The following OGFOD3 variants were observed in gnomAD, a reference collection of about 807,000 sequenced individuals.
OGFOD3 encodes 2-oxoglutarate and iron dependent oxygenase domain containing 3, also known as 2-oxoglutarate and iron-dependent oxygenase domain-containing protein 3.
In OGFOD3, 35 loss-of-function variants were observed where a neutral mutation model predicts 39.8. The ratio of observed to expected loss-of-function variants is 0.88; its 90% CI spans 0.67 to 1.17. OGFOD3 has a LOEUF of 1.17. Among genes scored for constraint, OGFOD3 ranks in the 50% most tolerant of loss-of-function variants. The probability of loss-of-function intolerance (pLI) is 0.00; values close to 1 mark genes in which losing one functional copy is unlikely to be tolerated. For synonymous variants in OGFOD3, 200 were observed against 192.0 expected, an observed-to-expected ratio of 1.04 and a Z score of -0.34; for missense variants, 438 against 454.5, an observed-to-expected ratio of 0.96 and a Z score of 0.33.
At chr17:82,398,420 G>A in intron 7 of OGFOD3, 101 bp from the exon 8 acceptor site, 2 of 1,425,286 alleles carry the variant, frequency 1.4e-6, no homozygotes, top group African/African-American at 2.8e-5. Flanking sequence ...TATTTTTTGA[G>A]ACAGAGTCTT....
At chr17:82,395,524 G>T (rs2052657473) in intron 8 of OGFOD3, among the ~76,000 whole-genome samples, 1 of 152,138 alleles carries the variant, frequency 6.6e-6, no homozygotes, top group South Asian at 2.1e-4. Context: ...GCCACTCATG[G>T]TAAGAACTGC....
At chr17:82,393,434 T>A (rs971106154) in intron 8 of OGFOD3, 2 of 152,236 alleles carry the variant, frequency 1.3e-5, no homozygotes, top group South Asian at 2.1e-4. Context: ...AGGGAGTCAG[T>A]TGCACTGTGC....
rs1308074070 is a variant in OGFOD3, at chr17:82,415,015, G to A, written c.304+383C>T. ...AGGCCCAGGCAGAACGGGAGCGGGG[G>A]AGGGGAGCTGGGGCACAGGACGGCA... On this transcript the variant is annotated intron_variant, in intron 2 of 8. Transcript: ENST00000313056. This position sits in a 1 kb window ranked among gnomAD's most constrained non-coding sequence, Gnocchi z 5.3. Among the ~76,000 whole-genome samples the A allele has an allele frequency of 1.3e-5, 2 of 152,200 alleles. No homozygotes were observed. The highest frequency in any genetic ancestry group is 2.9e-5 in the Non-Finnish European group (2 of 68,040).
rs1263136828 is a variant in OGFOD3 at position 82,392,486 on chromosome 17, T to C, written c.872A>G (p.Glu291Gly). The change falls in exon 9 of 9, where the codon GAG becomes GGG. Residue 291 changes from glutamate (E) to glycine (G), a missense_variant. Transcript: ENST00000313056. This position sits in a 1 kb window ranked among gnomAD's most constrained non-coding sequence, Gnocchi z 4.2. ...GTAACGGGTGCCCCAGTGGACCTTCTCCACGCGGTGTAGGTTCTCGGACCC... is the reference window on the plus strand; with the variant it reads ...GTAACGGGTGCCCCAGTGGACCTTCCCCACGCGGTGTAGGTTCTCGGACCC... The part of the protein sequence containing the change: ...TSGSENLHRV[E>G]KVHWGTRYAI... 1.9e-6 allele frequency: 3 copies of C among 1,607,890 alleles called. No homozygotes were observed. The African/African-American group carries it at 4.0e-5, about 21-fold the overall frequency.
At chr17:82,418,262 A>AC in intron 1 of OGFOD3, 150 bp downstream of exon 1, 1 of 268,220 alleles carries the variant, frequency 3.7e-6, no homozygotes, top group Non-Finnish European at 6.5e-6. Flanking sequence ...GCTGCGGTAG[A>AC]CCCCGCCCCC....
chr17:82,409,227 T>G (rs934646838), intron 4 of OGFOD3, 141 bp downstream of exon 4: 54 of 763,316 alleles, frequency 7.1e-5, no homozygotes, highest in East Asian at 3.3e-4. Flanking sequence ...CTGCGGCTGG[T>G]GCTGAGAAAC....
intron 1 of OGFOD3, 90 bp downstream of exon 1, chr17:82,418,322 G>T: frequency 4.9e-6 from 1 of 205,726 alleles, no homozygotes; most frequent in South Asian, 5.5e-5. Context: ...ACCCGGGTCG[G>T]GCCAGGCCCC....
At chr17:82,394,579 T>C (rs1055090772) in intron 8 of OGFOD3, 1 of 1,561,104 alleles carries the variant, frequency 6.4e-7, no homozygotes, top group East Asian at 2.3e-5. Context: ...TGGTAAAGGG[T>C]TGACTCCAGG....
rs942612010 is a variant in OGFOD3, at chr17:82,404,202, C to G, written c.546-112G>C. On this transcript the variant is annotated intron_variant, in intron 6 of 8. Coordinates refer to ENST00000313056, the MANE Select transcript of OGFOD3 (RefSeq NM_024648.3). The surrounding 1 kb of genome is among the most constrained non-coding windows in gnomAD (Gnocchi z 4.5). Reference sequence around the variant, plus strand: ...CAGCCTTCGTACGGCTCCGGGCCCGCGGGGCGGGGGCTCCCAAGCACACCG... The same window carrying G: ...CAGCCTTCGTACGGCTCCGGGCCCGGGGGGCGGGGGCTCCCAAGCACACCG... 2 of 1,257,374 alleles carry G rather than the reference C, an allele frequency of 1.6e-6. No individual in the cohort carries two copies. 77.9% of individuals were successfully genotyped at this position (1,257,374 alleles called of 1,614,324 possible). A position where few individuals can be genotyped will look rare whatever the true frequency, so the allele number is the denominator to read the frequency against.
intron 7 of OGFOD3, 155 bp downstream of exon 7, chr17:82,403,782 G>A (rs1050949796): frequency 2.2e-5 from 22 of 1,003,482 alleles, no homozygotes; most frequent in Non-Finnish European, 3.1e-5. Flanking sequence ...GCCCACGTGC[G>A]TACTCACCCT....
rs957735820 is a variant in OGFOD3, at chr17:82,413,229, G to A, written c.305-1699C>T. Among the ~76,000 whole-genome samples the A allele has an allele frequency of 5.3e-5, 8 of 152,338 alleles. No homozygotes were observed. The East Asian group carries it at 1.2e-3, about 22-fold the overall frequency. ...AATGAGAGCCACACAGGCCCGTGGCGCAGCCTCTGTACTAGCAAAGAGAAT... is the reference window on the plus strand; with the variant it reads ...AATGAGAGCCACACAGGCCCGTGGCACAGCCTCTGTACTAGCAAAGAGAAT... On this transcript the variant is annotated intron_variant, in intron 2 of 8. Coordinates refer to ENST00000313056, the MANE Select transcript of OGFOD3 (RefSeq NM_024648.3).
intron 5 of OGFOD3, 80 bp from the exon 6 acceptor site, chr17:82,405,460 C>G (rs1297559990): frequency 8.3e-7 from 1 of 1,204,422 alleles, no homozygotes; most frequent in Non-Finnish European, 1.2e-6. Context: ...AGCCATTCCT[C>G]AAGTCCCTGA....
At position 82,403,449 on chromosome 17, in the gene OGFOD3, T is replaced by C. The variant is rs537156026; in HGVS notation, c.699+488A>G. Among the ~76,000 whole-genome samples the C allele has an allele frequency of 4.6e-5, 7 of 152,248 alleles. No homozygotes were observed. In the East Asian group the frequency reaches 1.4e-3, roughly 30 times the overall value. On this transcript the variant is annotated intron_variant, in intron 7 of 8. Transcript: ENST00000313056. ...GATTTTGAGACTATCCTGGCCAACA[T>C]GGTGAAACCTCGTCTCTACTAAAAA...
At chr17:82,409,253 AC>A in intron 4 of OGFOD3, 114 bp downstream of exon 4, 1 of 1,026,084 alleles carries the variant, frequency 9.7e-7, no homozygotes, top group Non-Finnish European at 1.5e-6. Context: ...GGCAGGCCCC[AC>A]CCACATTTGG....
Position 82,398,317 on chromosome 17 carries a change from C to T in OGFOD3, c.702G>A (p.Val234=). 1 of 1,613,956 alleles carries T rather than the reference C, an allele frequency of 6.2e-7. No individual in the cohort carries two copies. Among genetic ancestry groups the T allele is most frequent in the Non-Finnish European group, 8.5e-7 (1 of 1,179,942 alleles). The change falls in exon 8 of 9, where the codon GTG becomes GTA. Residue 234 remains valine (V), a splice_region_variant and synonymous_variant. Transcript: ENST00000313056. ...DEYWHAHVDK[V]TYGSFDYTSL... ...AGGTGTAGTCGAAGGAGCCGTAGGTCACCTGAGGGCAGAGCCGGGAGGAGG... is the reference window on the plus strand; with the variant it reads ...AGGTGTAGTCGAAGGAGCCGTAGGTTACCTGAGGGCAGAGCCGGGAGGAGG...
rs2052615502 is a variant in OGFOD3 at position 82,392,819 on chromosome 17, G to A, written c.824-285C>T. 1 of 430,658 alleles carries A rather than the reference G, an allele frequency of 2.3e-6. No individual in the cohort carries two copies. The highest frequency in any genetic ancestry group is 4.2e-6 in the Non-Finnish European group (1 of 240,952). 26.7% of individuals were successfully genotyped at this position (430,658 alleles called of 1,614,324 possible). A position where few individuals can be genotyped will look rare whatever the true frequency, so the allele number is the denominator to read the frequency against. On this transcript the variant is annotated intron_variant, in intron 8 of 8. Coordinates refer to ENST00000313056, the MANE Select transcript of OGFOD3 (RefSeq NM_024648.3). The surrounding 1 kb of genome is among the most constrained non-coding windows in gnomAD (Gnocchi z 4.2). ...AGATGCTGCAGATGAGGCCACCACT[G>A]GCTCCAGACACCCCAGGTCATCTGA...
At chr17:82,410,710 CTTTTTTTTTTTTTTT>C in intron 3 of OGFOD3, among the ~76,000 whole-genome samples, 1 of 91,708 alleles carries the variant, frequency 1.1e-5, no homozygotes, top group South Asian at 4.2e-4. Flanking sequence ...GCACATAATT[CTTTTTTTTTTTTTTT>C]TTTTTTTTTT....
In OGFOD3 at chr17:82,392,668, C is replaced by T. The variant is rs1230470406; in HGVS notation, c.824-134G>A. 4 of 1,026,376 alleles carry T rather than the reference C, an allele frequency of 3.9e-6. No homozygotes were observed. Among genetic ancestry groups the T allele is most frequent in the Non-Finnish European group, 4.2e-6 (3 of 715,834 alleles). 63.6% of individuals were successfully genotyped at this position (1,026,376 alleles called of 1,614,324 possible). Reference sequence around the variant, plus strand: ...AACCAGGCAGGCTGGAGAAATTGCCCCTCTGGGAACTGCTTCTGCAGGAAG... The same window carrying T: ...AACCAGGCAGGCTGGAGAAATTGCCTCTCTGGGAACTGCTTCTGCAGGAAG... On this transcript the variant is annotated intron_variant, in intron 8 of 8. Coordinates refer to ENST00000313056, the MANE Select transcript of OGFOD3 (RefSeq NM_024648.3). The surrounding 1 kb of genome is among the most constrained non-coding windows in gnomAD (Gnocchi z 4.2).
At chr17:82,413,207 G>A (rs1409751403) in intron 2 of OGFOD3, among the ~76,000 whole-genome samples, 2 of 152,228 alleles carry the variant, frequency 1.3e-5, no homozygotes, top group South Asian at 2.1e-4. Context: ...CAAATGCAAT[G>A]AGAGCCACAC....
Sources: allele counts gnomAD v4.1 joint callset (sites outside exome capture counted in the v4.1 genomes callset), GRCh38; gene constraint gnomAD v4.1.1; non-coding constraint Gnocchi (gnomAD v3.1); transcripts MANE v1.5; gene names NCBI Gene and HGNC (gene_info 2026-07-23, HGNC 2026-07-21).